The following RCOR1 variants were observed in gnomAD, a reference collection of about 807,000 sequenced individuals.
RCOR1 encodes REST corepressor.
Under a neutral mutation model 64.0 loss-of-function variants are expected in RCOR1, and 12 were observed. That is an observed-to-expected ratio of 0.19 (90% CI 0.12 to 0.30). RCOR1 has a LOEUF of 0.30. Among genes scored for constraint, RCOR1 ranks in the 10% least tolerant of loss-of-function variants. The probability of loss-of-function intolerance (pLI) is 1.00; values close to 1 mark genes in which losing one functional copy is unlikely to be tolerated. For missense variants in RCOR1, 502 were observed against 621.2 expected (o/e 0.81, Z 2.04); for synonymous variants, 279 against 227.2 (o/e 1.23, Z -2.05).
intron 2 of RCOR1, among the ~76,000 whole-genome samples, chr14:102,641,866 A>G (rs1894376843): frequency 6.6e-6 from 1 of 152,154 alleles, no homozygotes; most frequent in Non-Finnish European, 1.5e-5. Context: ...TACAGTGGAA[A>G]GGCTGGTTTT....
chr14:102,701,151 G>C (rs1486523036), intron 3 of RCOR1, 127 bp from the exon 4 acceptor site: 1 of 779,368 alleles, frequency 1.3e-6, no homozygotes, highest in African/African-American at 1.8e-5. Flanking sequence ...ATCAAAATGA[G>C]ATTTGGGTGG....
At chr14:102,712,562 T>G (rs1211697690) in intron 7 of RCOR1, among the ~76,000 whole-genome samples, 1 of 152,150 alleles carries the variant, frequency 6.6e-6, no homozygotes, top group Non-Finnish European at 1.5e-5. Flanking sequence ...CTGGATTGAT[T>G]CTCACATAAC....
Position 102,596,291 on chromosome 14 carries a change from CAG to C in RCOR1, c.361+2967_361+2968del, listed in dbSNP as rs1356308049. The stretch of plus-strand genomic sequence containing the variant: ...TAATTTTTTGTATTTATAGTAGAGA[CAG>C]GGTTTCTCCATGTTGATCAGGCTGG... On this transcript the variant is annotated intron_variant, in intron 2 of 11. Transcript: ENST00000262241. Among the ~76,000 whole-genome samples the C allele has an allele frequency of 9.2e-5, 14 of 152,052 alleles. No homozygotes were observed. In the East Asian group the frequency reaches 2.5e-3, roughly 27 times the overall value.
intron 2 of RCOR1, among the ~76,000 whole-genome samples, chr14:102,600,961 A>C (rs972642021): frequency 4.6e-5 from 7 of 151,218 alleles, no homozygotes. Context: ...AGGCCGAGGC[A>C]GGCGGATCAC....
chr14:102,617,587 CTTT>C (rs71119722), intron 2 of RCOR1, among the ~76,000 whole-genome samples: 65,579 of 116,746 alleles, frequency 0.56, 18,088 homozygotes, highest in South Asian at 0.65. Context: ...CTGTCTCTTT[CTTT>C]TTTTTTTTTT....
intron 3 of RCOR1, among the ~76,000 whole-genome samples, chr14:102,686,977 C>G (rs1895434672): frequency 6.6e-6 from 1 of 152,188 alleles, no homozygotes; most frequent in Admixed American, 6.5e-5. Flanking sequence ...TGTGCCTGGA[C>G]TTCATTCTTT....
At chr14:102,593,683 G>A (rs1031130582) in intron 2 of RCOR1, among the ~76,000 whole-genome samples, 12 of 152,328 alleles carry the variant, frequency 7.9e-5, no homozygotes, top group African/African-American at 2.9e-4. Context: ...CAGTGCCGGA[G>A]AGTTAGTGTC....
intron 2 of RCOR1, among the ~76,000 whole-genome samples, chr14:102,614,529 G>C (rs1410041579): frequency 2.0e-5 from 3 of 152,042 alleles, no homozygotes; most frequent in Non-Finnish European, 4.4e-5. Context: ...CAGCCCTTCT[G>C]GCTCTTTTTA....
At chr14:102,603,809 A>G (rs1375770234) in intron 2 of RCOR1, among the ~76,000 whole-genome samples, 1 of 151,732 alleles carries the variant, frequency 6.6e-6, no homozygotes, top group Non-Finnish European at 1.5e-5. Context: ...TTTTGTAGAG[A>G]CAGGGTTTCA....
At chr14:102,715,093 G>A (rs999785912) in intron 8 of RCOR1, among the ~76,000 whole-genome samples, 1 of 151,086 alleles carries the variant, frequency 6.6e-6, no homozygotes, top group Non-Finnish European at 1.5e-5. Context: ...TTTTGAGACG[G>A]TGTCTCGCTC....
rs77961982 is a variant in RCOR1 at position 102,691,516 on chromosome 14, G to A, written c.445+9538G>A. 4.8e-3 allele frequency among the ~76,000 whole-genome samples: 725 copies of A among 152,326 alleles called. 4 individuals are homozygous for A. The highest frequency in any genetic ancestry group is 0.016 in the African/African-American group (667 of 41,568). On this transcript the variant is annotated intron_variant, in intron 3 of 11. Coordinates refer to ENST00000262241, the MANE Select transcript of RCOR1 (RefSeq NM_015156.4). ...TGACTTGGGTGTGAGCAGCAGTAGC[G>A]ATAGGGTAAGCCTATATTGGCCTAG... is the stretch of plus-strand genomic sequence containing the variant.
chr14:102,599,456 T>C (rs535889162), intron 2 of RCOR1, among the ~76,000 whole-genome samples: 3 of 152,178 alleles, frequency 2.0e-5, no homozygotes, highest in South Asian at 4.1e-4. Context: ...TTTTTAATTT[T>C]TTTTATTCTC....
chr14:102,698,741 T>C (rs1221520850), intron 3 of RCOR1, among the ~76,000 whole-genome samples: 2 of 152,176 alleles, frequency 1.3e-5, no homozygotes, highest in Non-Finnish European at 2.9e-5. Flanking sequence ...TCTCATCTCC[T>C]CCAGTATGAA....
At chr14:102,619,981 A>T (rs1329919601) in intron 2 of RCOR1, among the ~76,000 whole-genome samples, 1 of 152,204 alleles carries the variant, frequency 6.6e-6, no homozygotes, top group African/African-American at 2.4e-5. Flanking sequence ...CAGCCATCCT[A>T]GGTTGAAGAA....
intron 2 of RCOR1, chr14:102,655,990 T>TACAC (rs1555464404): frequency 9.1e-6 from 6 of 657,918 alleles, no homozygotes; most frequent in Non-Finnish European, 9.0e-6. Flanking sequence ...CACACACACG[T>TACAC]GAAATAAACC....
intron 2 of RCOR1, among the ~76,000 whole-genome samples, chr14:102,653,743 C>G (rs1197094800): frequency 6.6e-6 from 1 of 151,902 alleles, no homozygotes; most frequent in African/African-American, 2.4e-5. Context: ...TGCTCCTCCT[C>G]TGGCCATGTT....
chr14:102,664,818 AAG>A (rs1199198407), intron 2 of RCOR1, among the ~76,000 whole-genome samples: 2 of 152,240 alleles, frequency 1.3e-5, no homozygotes, highest in Non-Finnish European at 2.9e-5. Flanking sequence ...ATAGAGGAGA[AAG>A]AAAATCATAA....
chr14:102,699,522 A>AG (rs1895713225), intron 3 of RCOR1, among the ~76,000 whole-genome samples: 1 of 152,224 alleles, frequency 6.6e-6, no homozygotes, highest in Non-Finnish European at 1.5e-5. Flanking sequence ...CAGTTCTCCC[A>AG]GAGCTGGGAG....
At chr14:102,670,086 G>A (rs1391257406) in intron 2 of RCOR1, among the ~76,000 whole-genome samples, 1 of 152,112 alleles carries the variant, frequency 6.6e-6, no homozygotes, top group Non-Finnish European at 1.5e-5. Context: ...GAGTAGCTGG[G>A]ATTACAGGTG....
Sources: gnomAD v4.1 joint callset for allele counts (sites outside exome capture counted in the v4.1 genomes callset) on GRCh38, gnomAD v4.1.1 for gene constraint, MANE v1.5 for transcripts, NCBI Gene and HGNC (gene_info 2026-07-23, HGNC 2026-07-21) for gene names.